LRMDA: variants seen among roughly 807,000 people sequenced by gnomAD.
The protein encoded by LRMDA is leucine rich melanocyte differentiation associated, also known as leucine-rich melanocyte differentiation-associated protein.
In LRMDA, 18 loss-of-function variants were observed where a neutral mutation model predicts 29.8. The observed-to-expected ratio is 0.60, with a 90% CI of 0.42 to 0.90. LRMDA has a LOEUF of 0.90. LRMDA is among the 40% of genes least tolerant of loss of function. LRMDA has a pLI of 0.00. For missense variants in LRMDA, 273 were observed against 273.9 expected, an observed-to-expected ratio of 1.00 and a Z score of 0.02; for synonymous variants, 125 against 109.4, an observed-to-expected ratio of 1.14 and a Z score of -0.89.
At chr10:76,344,350 GA>G (rs956101680) in intron 6 of LRMDA, among the ~76,000 whole-genome samples, 20 of 151,358 alleles carry the variant, frequency 1.3e-4, no homozygotes, top group African/African-American at 4.4e-4. Flanking sequence ...ATATCTCCAA[GA>G]AAAAAAACCC....
At chr10:76,048,768 C>T (rs1416978496) in intron 4 of LRMDA, among the ~76,000 whole-genome samples, 1 of 152,196 alleles carries the variant, frequency 6.6e-6, no homozygotes, top group Admixed American at 6.5e-5. Context: ...TGTCTCACAC[C>T]ATTTTATAGA....
chr10:75,516,179 C>A (rs1193474329), intron 2 of LRMDA, among the ~76,000 whole-genome samples: 2 of 152,114 alleles, frequency 1.3e-5, no homozygotes, highest in Non-Finnish European at 2.9e-5. Context: ...GTGCATGTGT[C>A]TTTATAGTAG....
intron 6 of LRMDA, among the ~76,000 whole-genome samples, chr10:76,350,879 A>G (rs1049754264): frequency 3.3e-5 from 5 of 152,150 alleles, no homozygotes; most frequent in Admixed American, 2.6e-4. Context: ...ATAAATGGGC[A>G]CTTGAGATGA....
At chr10:75,728,429 T>C (rs931723902) in intron 2 of LRMDA, among the ~76,000 whole-genome samples, 9 of 48,508 alleles carry the variant, frequency 1.9e-4, no homozygotes, top group African/African-American at 2.6e-4. Flanking sequence ...CGTGGCTCTG[T>C]GTGTGTGTGT....
chr10:75,792,107 C>T (rs1843577197), intron 2 of LRMDA, among the ~76,000 whole-genome samples: 1 of 151,874 alleles, frequency 6.6e-6, no homozygotes, highest in Non-Finnish European at 1.5e-5. Context: ...GATCCCCCGC[C>T]TCGGCCTCTC....
chr10:75,678,312 A>G (rs896251769), intron 2 of LRMDA, among the ~76,000 whole-genome samples: 2 of 152,210 alleles, frequency 1.3e-5, no homozygotes, highest in Non-Finnish European at 2.9e-5. Context: ...ATTGTCTTCC[A>G]TTATGAGACA....
At chr10:75,845,763 T>C (rs34386752) in intron 2 of LRMDA, among the ~76,000 whole-genome samples, 27,347 of 152,104 alleles carry the variant, frequency 0.18, 2,820 homozygotes, top group South Asian at 0.26. Flanking sequence ...CTTTGTTGAA[T>C]TTCCTGTAAC....
intron 2 of LRMDA, among the ~76,000 whole-genome samples, chr10:75,814,555 T>C (rs2132274654): frequency 6.6e-6 from 1 of 151,722 alleles, no homozygotes; most frequent in South Asian, 2.1e-4. Context: ...TCAGCAACAT[T>C]TTCCCTTCCC....
intron 2 of LRMDA, among the ~76,000 whole-genome samples, chr10:75,799,732 G>A (rs1186843533): frequency 6.7e-6 from 1 of 148,872 alleles, no homozygotes; most frequent in East Asian, 2.0e-4. Context: ...GTTTAGTAGA[G>A]ACGGGGTTTC....
At chr10:75,600,329 C>T (rs1840866385) in intron 2 of LRMDA, among the ~76,000 whole-genome samples, 1 of 152,192 alleles carries the variant, frequency 6.6e-6, no homozygotes, top group African/African-American at 2.4e-5. Flanking sequence ...CTTGCCTTGG[C>T]TGTACTTTCT....
intron 5 of LRMDA, among the ~76,000 whole-genome samples, chr10:76,098,896 G>C (rs1317507600): frequency 6.6e-6 from 1 of 152,198 alleles, no homozygotes; most frequent in East Asian, 1.9e-4. Flanking sequence ...TGAAATAATA[G>C]GGAGGTGAAG....
At chr10:75,606,821 G>T (rs1280553317) in intron 2 of LRMDA, among the ~76,000 whole-genome samples, 1 of 152,180 alleles carries the variant, frequency 6.6e-6, no homozygotes, top group Non-Finnish European at 1.5e-5. Context: ...ATTTCTGGGG[G>T]CAAGGGACAG....
chr10:75,643,491 A>G (rs894131237), intron 2 of LRMDA, among the ~76,000 whole-genome samples: 19 of 152,112 alleles, frequency 1.2e-4, no homozygotes, highest in African/African-American at 4.3e-4. Context: ...ACTTCCCTGC[A>G]CTCTGTTGGT....
At chr10:76,038,041 G>C (rs187962504) in intron 3 of LRMDA, among the ~76,000 whole-genome samples, 3 of 152,218 alleles carry the variant, frequency 2.0e-5, no homozygotes, top group Admixed American at 2.0e-4. Context: ...GGCTTTCTAG[G>C]CTGTCTTAGA....
intron 2 of LRMDA, chr10:75,450,716 G>A (rs185653865): frequency 6.6e-6 from 1 of 152,348 alleles, no homozygotes; most frequent in African/African-American, 2.4e-5. Flanking sequence ...TTATCAGTGT[G>A]AGGGGCTGTT....
At chr10:76,330,992 C>T (rs1171382776) in intron 6 of LRMDA, among the ~76,000 whole-genome samples, 1 of 152,132 alleles carries the variant, frequency 6.6e-6, no homozygotes, top group East Asian at 1.9e-4. Context: ...AACATGAGGC[C>T]AGGTGCCGTG....
intron 6 of LRMDA, among the ~76,000 whole-genome samples, chr10:76,533,029 T>C (rs185952230): frequency 6.6e-6 from 1 of 152,290 alleles, no homozygotes; most frequent in Admixed American, 6.5e-5. Flanking sequence ...TTCATAGTTG[T>C]AATAACAAAT....
chr10:76,520,263 GTT>G (rs560682527), intron 6 of LRMDA, among the ~76,000 whole-genome samples: 10 of 145,456 alleles, frequency 6.9e-5, no homozygotes, highest in East Asian at 2.0e-4. Flanking sequence ...TAATCTTTCA[GTT>G]TTTTTTTTTA....
At position 76,189,356 on chromosome 10, in the gene LRMDA, CAA is replaced by C. The variant is rs35310747; in HGVS notation, c.516+130584_516+130585del. 1.2e-4 allele frequency among the ~76,000 whole-genome samples: 17 copies of C among 142,796 alleles called. 1 individual carries two copies. The highest frequency in any genetic ancestry group is 3.7e-4 in the African/African-American group (15 of 40,090). 93.7% of individuals were successfully genotyped at this position (142,796 alleles called of 152,430 possible). Reference sequence around the variant, plus strand: ...TGGGTGACAGAGCGAGATTCTGTCTCAAAAAAAAAAAAGTTTTTATTCTTAAA... The same window carrying C: ...TGGGTGACAGAGCGAGATTCTGTCTCAAAAAAAAAAGTTTTTATTCTTAAA... On this transcript the variant is annotated intron_variant, in intron 5 of 6. Coordinates refer to ENST00000611255, the MANE Select transcript of LRMDA (RefSeq NM_001305581.2).
Sources: gnomAD v4.1 joint callset for allele counts (sites outside exome capture counted in the v4.1 genomes callset) on GRCh38, gnomAD v4.1.1 for gene constraint, MANE v1.5 for transcripts, NCBI Gene and HGNC (gene_info 2026-07-23, HGNC 2026-07-21) for gene names.